FAM13C: variants seen among roughly 807,000 people sequenced by gnomAD.
The protein encoded by FAM13C is protein FAM13C.
In FAM13C, 37 loss-of-function variants were observed where a neutral mutation model predicts 73.2. The observed-to-expected ratio is 0.51, with a 90% CI of 0.39 to 0.67. The LOEUF (loss-of-function observed/expected upper bound fraction) is 0.67. FAM13C is among the 30% of genes least tolerant of loss of function. The pLI, the probability that FAM13C is intolerant of heterozygous loss-of-function variation, is 0.00. For synonymous variants in FAM13C, 246 were observed against 260.9 expected (o/e 0.94, Z 0.55); for missense variants, 589 against 715.6 (o/e 0.82, Z 2.02).
At chr10:59,350,772 G>A (rs952682639) in intron 3 of FAM13C, among the ~76,000 whole-genome samples, 3 of 152,150 alleles carry the variant, frequency 2.0e-5, no homozygotes, top group African/African-American at 7.2e-5. Flanking sequence ...AACCTGCCCA[G>A]CCAAAGTTGT....
rs976479462 is a variant in FAM13C, at chr10:59,320,057, T to A, written c.443+3931A>T. ...AAAGGATTGAAGCAGGCATTATAAA[T>A]CAAATGCCTATAGAAGCTTGGCAAA... On this transcript the variant is annotated intron_variant, in intron 4 of 13. Transcript: ENST00000618804. Among the ~76,000 whole-genome samples, 13 of 152,076 alleles carry A rather than the reference T, an allele frequency of 8.5e-5. No homozygotes were observed. In the East Asian group the frequency reaches 2.5e-3, roughly 29 times the overall value.
rs12268908 is a variant in FAM13C, at chr10:59,251,565, C to T, written c.1634+10G>A. Reference sequence around the variant, plus strand: ...GTATTAGCTTTAAAAATCTCTCTGCCGACACATACCTTCCTGTTTGTTTAA... The same window carrying T: ...GTATTAGCTTTAAAAATCTCTCTGCTGACACATACCTTCCTGTTTGTTTAA... On this transcript the variant is annotated intron_variant, in intron 13 of 13. Transcript: ENST00000618804. 55,032 of 1,609,104 alleles carry T rather than the reference C, an allele frequency of 0.034. 3,259 individuals are homozygous for T. The highest frequency in any genetic ancestry group is 0.26 in the African/African-American group (19,412 of 74,766).
chr10:59,315,366 C>A (rs1228883637), intron 4 of FAM13C, among the ~76,000 whole-genome samples: 1 of 152,090 alleles, frequency 6.6e-6, no homozygotes, highest in Non-Finnish European at 1.5e-5. Context: ...CTTTTTTCCA[C>A]TTAGATCATG....
At chr10:59,314,101 G>A (rs1255239293) in intron 4 of FAM13C, among the ~76,000 whole-genome samples, 1 of 152,094 alleles carries the variant, frequency 6.6e-6, no homozygotes, top group Non-Finnish European at 1.5e-5. Context: ...AAAGGAGAAG[G>A]TGCATGAAAA....
chr10:59,336,438 C>T (rs1451859464), intron 3 of FAM13C, among the ~76,000 whole-genome samples: 2 of 152,088 alleles, frequency 1.3e-5, no homozygotes, highest in Non-Finnish European at 2.9e-5. Context: ...TGGGCACCAC[C>T]ACTATGACCA....
At chr10:59,349,905 C>G (rs1254940927) in intron 3 of FAM13C, among the ~76,000 whole-genome samples, 1 of 152,164 alleles carries the variant, frequency 6.6e-6, no homozygotes, top group Non-Finnish European at 1.5e-5. Flanking sequence ...TAATTCACAA[C>G]AATTTAGTAG....
intron 6 of FAM13C, among the ~76,000 whole-genome samples, chr10:59,280,115 T>C (rs955267932): frequency 1.3e-5 from 2 of 152,218 alleles, no homozygotes; most frequent in Admixed American, 6.5e-5. Context: ...ACTCAGTCTA[T>C]AACAGCTTCT....
At chr10:59,254,513 CA>C in intron 10 of FAM13C, 70 bp from the exon 11 acceptor site, 1 of 788,214 alleles carries the variant, frequency 1.3e-6, no homozygotes. Context: ...TTTTAGCAGA[CA>C]AAAAGCCTCA....
intron 8 of FAM13C, among the ~76,000 whole-genome samples, chr10:59,264,760 G>T (rs538152226): frequency 1.3e-5 from 2 of 152,176 alleles, no homozygotes; most frequent in African/African-American, 4.8e-5. Flanking sequence ...GGGGATACAC[G>T]GATTTCTAAT....
rs528904055 is a variant in FAM13C at position 59,283,896 on chromosome 10, C to T, written c.508-449G>A. 4.6e-5 allele frequency among the ~76,000 whole-genome samples: 7 copies of T among 152,204 alleles called. No individual in the cohort carries two copies. In the East Asian group the frequency reaches 9.7e-4, roughly 21 times the overall value. On this transcript the variant is annotated intron_variant, in intron 5 of 13. Transcript: ENST00000618804. ...AGACATTAGGTCCCTCCCTGGCTAC[C>T]GTTCATAAAAGCCATCATCCCTCCA...
chr10:59,337,782 C>T (rs1852938223), intron 3 of FAM13C, among the ~76,000 whole-genome samples: 1 of 137,488 alleles, frequency 7.3e-6, no homozygotes, highest in Non-Finnish European at 1.5e-5. Flanking sequence ...CGGGTTCAAG[C>T]AATTCTCCTG....
rs115607372 is a variant in FAM13C at position 59,261,011 on chromosome 10, C to T, written c.1236+1423G>A. The stretch of plus-strand genomic sequence containing the variant: ...ACTATATCAATCCCAGCTCTTCTTA[C>T]TACCCTTGTTAATTGAGTAGAACAG... On this transcript the variant is annotated intron_variant, in intron 10 of 13. Transcript: ENST00000618804. Among the ~76,000 whole-genome samples the T allele has an allele frequency of 1.6e-3, 245 of 152,262 alleles. 1 individual carries two copies. Among genetic ancestry groups the T allele is most frequent in the African/African-American group, 5.7e-3 (238 of 41,566 alleles).
chr10:59,275,326 T>C (rs1844202870), intron 6 of FAM13C, among the ~76,000 whole-genome samples: 1 of 152,118 alleles, frequency 6.6e-6, no homozygotes, highest in Non-Finnish European at 1.5e-5. Context: ...CAGCTCCAGA[T>C]AGAGCCAGAG....
intron 6 of FAM13C, chr10:59,282,952 A>G (rs1845104796): frequency 1.1e-5 from 2 of 189,592 alleles, no homozygotes; most frequent in African/African-American, 4.6e-5. Context: ...CAGGAAAGGA[A>G]GTAGCAGTAT....
intron 5 of FAM13C, among the ~76,000 whole-genome samples, chr10:59,286,007 C>G (rs1679317349): frequency 6.6e-6 from 1 of 152,206 alleles, no homozygotes; most frequent in South Asian, 2.1e-4. Flanking sequence ...AAGGTGGACA[C>G]AGCCCAAGTG....
chr10:59,323,203 C>G (rs1850568558), intron 4 of FAM13C: 1 of 152,326 alleles, frequency 6.6e-6, no homozygotes, highest in South Asian at 2.1e-4. Flanking sequence ...CAAGATCCTA[C>G]AAAGACAGCT....
At chr10:59,304,761 GAGGGAAGGGAAGGGAAGGGA>G (rs1191616510) in intron 4 of FAM13C, among the ~76,000 whole-genome samples, 3 of 41,132 alleles carry the variant, frequency 7.3e-5, no homozygotes, top group South Asian at 1.6e-3. Flanking sequence ...TAAATAAAAA[GAGGGAAGGGAAGGGAAGGGA>G]AGGGAAGGGA....
At chr10:59,327,381 T>A (rs749947133) in intron 3 of FAM13C, among the ~76,000 whole-genome samples, 1 of 152,148 alleles carries the variant, frequency 6.6e-6, no homozygotes, top group Non-Finnish European at 1.5e-5. Flanking sequence ...CTCAATCAAA[T>A]GTATTTGCCT....
intron 8 of FAM13C, among the ~76,000 whole-genome samples, chr10:59,264,848 G>T (rs1842864148): frequency 6.6e-6 from 1 of 152,056 alleles, no homozygotes; most frequent in Non-Finnish European, 1.5e-5. Flanking sequence ...ACAAGTCAAG[G>T]CTACCATAGG....
Sources: allele counts gnomAD v4.1 joint callset (sites outside exome capture counted in the v4.1 genomes callset), GRCh38; gene constraint gnomAD v4.1.1; transcripts MANE v1.5; gene names NCBI Gene and HGNC (gene_info 2026-07-23, HGNC 2026-07-21).